The following PGM5 variants were observed in gnomAD, a reference collection of about 807,000 sequenced individuals.
PGM5 encodes the protein phosphoglucomutase-like protein 5.
Under a neutral mutation model 59.2 loss-of-function variants are expected in PGM5, and 23 were observed. The ratio of observed to expected loss-of-function variants is 0.39; its 90% confidence interval spans 0.28 to 0.55. The LOEUF is 0.55. Ranked by LOEUF, PGM5 falls within the 20% of genes least tolerant of loss-of-function variation. PGM5 has a pLI of 0.66. For missense variants in PGM5, 574 were observed against 748.3 expected (o/e 0.77, Z 2.72); for synonymous variants, 214 against 286.0 (o/e 0.75, Z 2.54).
At chr9:68,504,138 C>T (rs1163299161) in intron 10 of PGM5, among the ~76,000 whole-genome samples, 1 of 152,234 alleles carries the variant, frequency 6.6e-6, no homozygotes, top group African/African-American at 2.4e-5. Flanking sequence ...CCATTCCACA[C>T]ATCGATCTCT....
At chr9:68,528,660 A>G (rs955684330) in intron 10 of PGM5, among the ~76,000 whole-genome samples, 1 of 152,260 alleles carries the variant, frequency 6.6e-6, no homozygotes, top group Non-Finnish European at 1.5e-5. Flanking sequence ...ACATGAATTC[A>G]ATAAAAACAT....
chr9:68,399,353 T>A (rs1822605543), intron 6 of PGM5: 4 of 152,060 alleles, frequency 2.6e-5, no homozygotes, highest in Admixed American at 2.6e-4. Flanking sequence ...TATACTTAAT[T>A]TAGTCAATTT....
At chr9:68,511,211 T>C (rs1376493823) in intron 10 of PGM5, among the ~76,000 whole-genome samples, 1 of 152,224 alleles carries the variant, frequency 6.6e-6, no homozygotes, top group East Asian at 1.9e-4. Flanking sequence ...ATGCTTTGAT[T>C]TCCTTCAGTG....
At chr9:68,362,315 T>C (rs1279811482) in intron 1 of PGM5, among the ~76,000 whole-genome samples, 2 of 152,254 alleles carry the variant, frequency 1.3e-5, no homozygotes, top group Non-Finnish European at 2.9e-5. Flanking sequence ...TTGTTTTGTC[T>C]CACTTTTGCT....
At chr9:68,428,969 GA>G (rs1273943350) in intron 6 of PGM5, 2 of 152,158 alleles carry the variant, frequency 1.3e-5, no homozygotes, top group East Asian at 3.8e-4. Flanking sequence ...CTAGTTGGGT[GA>G]GCCTGGAAAA....
chr9:68,391,406 T>C, intron 4 of PGM5, 128 bp from the exon 5 acceptor site: 1 of 743,878 alleles, frequency 1.3e-6, no homozygotes. Flanking sequence ...ATATTGTATC[T>C]TTAAAACGAT....
At chr9:68,381,003 T>G (rs1822059013) in intron 2 of PGM5, among the ~76,000 whole-genome samples, 1 of 151,856 alleles carries the variant, frequency 6.6e-6, no homozygotes. Context: ...TTATCAAACA[T>G]TCAAAGAATA....
chr9:68,429,258 C>G (rs1823302776), intron 6 of PGM5: 1 of 152,222 alleles, frequency 6.6e-6, no homozygotes. Flanking sequence ...TATTAATTCT[C>G]TGCTTCGGAT....
chr9:68,482,403 C>T (rs1463022496), intron 8 of PGM5, among the ~76,000 whole-genome samples: 1 of 151,750 alleles, frequency 6.6e-6, no homozygotes. Context: ...TTTTTTTTCC[C>T]TCTGAGGCTG....
chr9:68,453,275 C>T (rs1401346817), intron 6 of PGM5, among the ~76,000 whole-genome samples: 3 of 152,188 alleles, frequency 2.0e-5, no homozygotes, highest in Non-Finnish European at 4.4e-5. Context: ...CCTTTTCAGC[C>T]AACCCTTTGT....
chr9:68,420,333 T>C (rs1260744080), intron 6 of PGM5, among the ~76,000 whole-genome samples: 1 of 152,120 alleles, frequency 6.6e-6, no homozygotes, highest in Non-Finnish European at 1.5e-5. Flanking sequence ...TGATCTTGAG[T>C]ACAACTGAAG....
chr9:68,453,833 C>T lies in PGM5; in HGVS notation c.1044-11260C>T, dbSNP rs377573465. Reference sequence around the variant, plus strand: ...ACGGATTAGAGAAGGAGTTAGGTGTCCCAGCATCTAAGGCAATATCCTGTG... The same window carrying T: ...ACGGATTAGAGAAGGAGTTAGGTGTTCCAGCATCTAAGGCAATATCCTGTG... On this transcript the variant is annotated intron_variant, in intron 6 of 10. Coordinates refer to ENST00000396396, the MANE Select transcript of PGM5 (RefSeq NM_021965.4). Among the ~76,000 whole-genome samples, 5 of 152,164 alleles carry T rather than the reference C, an allele frequency of 3.3e-5. No individual in the cohort carries two copies. The East Asian group carries it at 9.6e-4, about 29-fold the overall frequency.
chr9:68,447,164 G>C (rs1010065467), intron 6 of PGM5, among the ~76,000 whole-genome samples: 1 of 152,186 alleles, frequency 6.6e-6, no homozygotes, highest in Non-Finnish European at 1.5e-5. Flanking sequence ...AAGCCGGAGG[G>C]AGGGACATGT....
chr9:68,457,335 A>G (rs1823794362), intron 6 of PGM5, among the ~76,000 whole-genome samples: 1 of 152,246 alleles, frequency 6.6e-6, no homozygotes, highest in Non-Finnish European at 1.5e-5. Context: ...TTGCTGAAAC[A>G]GAATCCAATA....
chr9:68,446,371 C>G (rs1336086164), intron 6 of PGM5, among the ~76,000 whole-genome samples: 9 of 152,262 alleles, frequency 5.9e-5, no homozygotes, highest in Non-Finnish European at 1.2e-4. Flanking sequence ...ACCCTCTTGT[C>G]TTCGTTGCGT....
chr9:68,411,771 A>G (rs2132039424), intron 6 of PGM5, among the ~76,000 whole-genome samples: 1 of 152,302 alleles, frequency 6.6e-6, no homozygotes, highest in Non-Finnish European at 1.5e-5. Flanking sequence ...AATAGAGGCA[A>G]TGAGGATGCT....
At chr9:68,475,254 C>T (rs1416715620) in intron 7 of PGM5, among the ~76,000 whole-genome samples, 2 of 144,148 alleles carry the variant, frequency 1.4e-5, no homozygotes, top group African/African-American at 5.2e-5. Context: ...AGGCTGGTCT[C>T]AAACTCCTGA....
intron 6 of PGM5, among the ~76,000 whole-genome samples, chr9:68,418,541 A>T (rs986902637): frequency 6.6e-6 from 1 of 152,010 alleles, no homozygotes; most frequent in Non-Finnish European, 1.5e-5. Context: ...CGACAGGAGA[A>T]AGGATGCTTT....
intron 10 of PGM5, among the ~76,000 whole-genome samples, chr9:68,516,716 T>C (rs1824829822): frequency 6.6e-6 from 1 of 152,150 alleles, no homozygotes; most frequent in Non-Finnish European, 1.5e-5. Flanking sequence ...GAGTTCTCCT[T>C]GCCAAAGTGG....
Sources: gnomAD v4.1 joint callset for allele counts (sites outside exome capture counted in the v4.1 genomes callset) on GRCh38, gnomAD v4.1.1 for gene constraint, MANE v1.5 for transcripts, NCBI Gene and HGNC (gene_info 2026-07-23, HGNC 2026-07-21) for gene names.